The following TRPM3 variants were observed in gnomAD, a reference collection of about 807,000 sequenced individuals.
TRPM3 encodes the protein transient receptor potential cation channel subfamily M member 3.
In TRPM3, 77 loss-of-function variants were observed where a neutral mutation model predicts 181.2. The observed-to-expected ratio is 0.42, with a 90% CI of 0.35 to 0.51. The LOEUF is 0.51. Among genes scored for constraint, TRPM3 ranks in the 20% least tolerant of loss-of-function variants. The probability of loss-of-function intolerance (pLI) is 0.01; values close to 1 mark genes in which losing one functional copy is unlikely to be tolerated. For synonymous variants in TRPM3, 745 were observed against 796.4 expected, an observed-to-expected ratio of 0.94 and a Z score of 1.09; for missense variants, 1,759 against 2,196.7, an observed-to-expected ratio of 0.80 and a Z score of 3.98.
At chr9:70,937,115 C>G (rs1264060687) in intron 1 of TRPM3, among the ~76,000 whole-genome samples, 1 of 152,142 alleles carries the variant, frequency 6.6e-6, no homozygotes, top group Non-Finnish European at 1.5e-5. Flanking sequence ...TTTGACGCAG[C>G]TTCACCACAT....
intron 1 of TRPM3, 27 bp from the exon 2 acceptor site, chr9:70,864,538 A>AAAAG (rs1554753081): frequency 0.034 from 47,879 of 1,428,630 alleles, 568 homozygotes; most frequent in Non-Finnish European, 0.039. Context: ...AAAAAAAAAA[A>AAAAG]AAAGAAAAAA....
At chr9:71,165,170 G>A (rs920813474) in intron 1 of TRPM3, among the ~76,000 whole-genome samples, 1 of 151,980 alleles carries the variant, frequency 6.6e-6, no homozygotes, top group Non-Finnish European at 1.5e-5. Flanking sequence ...GTAAACCCGT[G>A]GGCAAGTTAC....
At chr9:71,003,286 G>A (rs981041796) in intron 1 of TRPM3, among the ~76,000 whole-genome samples, 2 of 150,826 alleles carry the variant, frequency 1.3e-5, no homozygotes, top group African/African-American at 2.4e-5. Flanking sequence ...GTGCCTCTGT[G>A]TATATGGCAC....
chr9:70,604,836 C>T (rs1223544692), intron 19 of TRPM3, among the ~76,000 whole-genome samples: 3 of 151,950 alleles, frequency 2.0e-5, no homozygotes, highest in East Asian at 1.9e-4. Context: ...TTAGTGGAGA[C>T]AGCATCTCAC....
intron 1 of TRPM3, among the ~76,000 whole-genome samples, chr9:71,345,400 C>A (rs2091232562): frequency 1.3e-5 from 2 of 152,150 alleles, no homozygotes; most frequent in Non-Finnish European, 1.5e-5. Flanking sequence ...TCATGGAATA[C>A]TATGCAGCCA....
At chr9:71,153,948 A>G (rs1261833611) in intron 1 of TRPM3, among the ~76,000 whole-genome samples, 1 of 152,120 alleles carries the variant, frequency 6.6e-6, no homozygotes, top group Admixed American at 6.6e-5. Flanking sequence ...CTGTTTTGCA[A>G]CTTGAGGTGT....
rs1223381410 is a variant in TRPM3, at chr9:71,362,635, AT to A, written c.183+84017del. 2.0e-5 allele frequency among the ~76,000 whole-genome samples: 3 copies of A among 152,190 alleles called. No homozygotes were observed. The East Asian group carries it at 5.8e-4, about 29-fold the overall frequency. ...AACAATGATCAGAATGATCTCCTCC[AT>A]TTTATATTATTTCCTGTCTCTATGA... On this transcript the variant is annotated intron_variant, in intron 1 of 24. Transcript: ENST00000357533.
chr9:70,604,067 G>A (rs1384264631), intron 19 of TRPM3, among the ~76,000 whole-genome samples: 1 of 152,124 alleles, frequency 6.6e-6, no homozygotes, highest in African/African-American at 2.4e-5. Flanking sequence ...TTCCTTCCTG[G>A]TGTCTGCTTC....
intron 1 of TRPM3, among the ~76,000 whole-genome samples, chr9:71,290,066 G>T (rs76832870): frequency 5.7e-4 from 71 of 124,674 alleles, no homozygotes; most frequent in Non-Finnish European, 1.2e-3. Flanking sequence ...TGATATGTCA[G>T]TTTAAAAAGT....
intron 1 of TRPM3, among the ~76,000 whole-genome samples, chr9:71,186,535 T>C (rs1351195284): frequency 6.6e-6 from 1 of 151,954 alleles, no homozygotes. Context: ...GTTTGTGAAT[T>C]TGCCTCCAGA....
intron 1 of TRPM3, among the ~76,000 whole-genome samples, chr9:71,070,277 G>A (rs1360260782): frequency 6.6e-6 from 1 of 152,200 alleles, no homozygotes; most frequent in African/African-American, 2.4e-5. Context: ...TTTCTGCATC[G>A]ATTGTTATGT....
chr9:70,688,758 A>C (rs1223321824), intron 8 of TRPM3, among the ~76,000 whole-genome samples: 2 of 152,112 alleles, frequency 1.3e-5, no homozygotes, highest in Non-Finnish European at 2.9e-5. Context: ...AAACTAGAAG[A>C]CTTTCAGTAG....
At chr9:70,926,318 C>G (rs2096721114) in intron 1 of TRPM3, among the ~76,000 whole-genome samples, 1 of 152,074 alleles carries the variant, frequency 6.6e-6, no homozygotes, top group African/African-American at 2.4e-5. Context: ...CAGGTCCAGC[C>G]CAAACTGACA....
chr9:71,256,218 G>T (rs10781003), intron 1 of TRPM3, among the ~76,000 whole-genome samples: 7 of 151,902 alleles, frequency 4.6e-5, no homozygotes, highest in African/African-American at 9.7e-5. Context: ...CAGTTTCTGG[G>T]GATAATGGTT....
At chr9:70,806,871 TAA>T (rs796950511) in intron 6 of TRPM3, among the ~76,000 whole-genome samples, 71 of 152,284 alleles carry the variant, frequency 4.7e-4, no homozygotes, top group African/African-American at 1.6e-3. Flanking sequence ...ATCTAAATAA[TAA>T]TTTGAAGAGA....
At chr9:70,932,853 C>T (rs1429378284) in intron 1 of TRPM3, among the ~76,000 whole-genome samples, 1 of 152,098 alleles carries the variant, frequency 6.6e-6, no homozygotes, top group Non-Finnish European at 1.5e-5. Context: ...GAGTGTAGAA[C>T]ATCTTAGGCA....
chr9:70,947,632 GA>G (rs1260289035), intron 1 of TRPM3, among the ~76,000 whole-genome samples: 1 of 152,118 alleles, frequency 6.6e-6, no homozygotes, highest in Non-Finnish European at 1.5e-5. Flanking sequence ...TGAGAGCTCA[GA>G]GCTCAGAGAA....
intron 1 of TRPM3, among the ~76,000 whole-genome samples, chr9:70,883,630 CA>C (rs1212115298): frequency 7.2e-5 from 11 of 152,292 alleles, no homozygotes; most frequent in Non-Finnish European, 1.0e-4. Flanking sequence ...GAGTGATTTT[CA>C]TAATATAGTT....
chr9:71,253,496 A>G (rs2082481687), intron 1 of TRPM3, among the ~76,000 whole-genome samples: 1 of 152,196 alleles, frequency 6.6e-6, no homozygotes, highest in Admixed American at 6.5e-5. Context: ...TTACATAGCC[A>G]AAAATGTCAA....
Sources: allele counts gnomAD v4.1 joint callset (sites outside exome capture counted in the v4.1 genomes callset), GRCh38; gene constraint gnomAD v4.1.1; transcripts MANE v1.5; gene names NCBI Gene and HGNC (gene_info 2026-07-23, HGNC 2026-07-21).